DTNA: variants seen among roughly 807,000 people sequenced by gnomAD.
DTNA encodes dystrophin-related protein 3.
A neutral mutation model predicts 100.7 loss-of-function variants in DTNA; 43 were observed. The observed-to-expected ratio is 0.43, with a 90% confidence interval of 0.33 to 0.55. The LOEUF (loss-of-function observed/expected upper bound fraction) is 0.55, where lower values mean the gene tolerates loss of function less well. DTNA is among the 20% of genes least tolerant of loss of function. DTNA has a pLI of 0.04. For missense variants in DTNA, 798 were observed against 953.9 expected, an observed-to-expected ratio of 0.84 and a Z score of 2.15; for synonymous variants, 349 against 347.9, an observed-to-expected ratio of 1.00 and a Z score of -0.04.
At chr18:34,597,843 T>C (rs1034586146) in intron 1 of DTNA, among the ~76,000 whole-genome samples, 7 of 143,480 alleles carry the variant, frequency 4.9e-5, no homozygotes, top group African/African-American at 1.8e-4. Flanking sequence ...AGGGTTGACC[T>C]CATAAGTCAC....
intron 1 of DTNA, among the ~76,000 whole-genome samples, chr18:34,625,828 T>G (rs986335693): frequency 6.6e-6 from 1 of 152,046 alleles, no homozygotes; most frequent in Non-Finnish European, 1.5e-5. Context: ...AGGTAAGACT[T>G]GAAATGATGA....
chr18:34,868,153 GCAA>G, intron 17 of DTNA: 1 of 249,294 alleles, frequency 4.0e-6, no homozygotes, highest in Non-Finnish European at 5.5e-6. Context: ...TGGCAATGAA[GCAA>G]AAAAAAAAAA....
At chr18:34,701,997 T>C (rs117971436) in intron 1 of DTNA, among the ~76,000 whole-genome samples, 2,485 of 152,274 alleles carry the variant, frequency 0.016, 30 homozygotes, top group Non-Finnish European at 0.023. Context: ...ACTATTATCA[T>C]TGAAATTCTT....
chr18:34,645,348 G>A (rs965633774), intron 1 of DTNA, among the ~76,000 whole-genome samples: 19 of 152,180 alleles, frequency 1.2e-4, no homozygotes, highest in African/African-American at 4.6e-4. Context: ...TAAGATTTTT[G>A]TATGGGTTTT....
chr18:34,629,571 C>A (rs551684327), intron 1 of DTNA, among the ~76,000 whole-genome samples: 1 of 152,134 alleles, frequency 6.6e-6, no homozygotes, highest in East Asian at 1.9e-4. Context: ...ATCAGAAAAA[C>A]CAGTGAATTC....
intron 1 of DTNA, among the ~76,000 whole-genome samples, chr18:34,536,064 G>T (rs1194015174): frequency 6.6e-6 from 1 of 151,870 alleles, no homozygotes; most frequent in East Asian, 1.9e-4. Flanking sequence ...ATAAAATAAG[G>T]TGTAAAATAC....
intron 13 of DTNA, among the ~76,000 whole-genome samples, 176 bp from the exon 14 acceptor site, chr18:34,848,120 A>C (rs376690684): frequency 1.3e-5 from 2 of 152,324 alleles, no homozygotes; most frequent in Non-Finnish European, 1.5e-5. Context: ...CTTCCCGACT[A>C]TATATTAGAT....
intron 1 of DTNA, among the ~76,000 whole-genome samples, chr18:34,683,250 T>A (rs1490598182): frequency 2.0e-5 from 3 of 152,160 alleles, no homozygotes; most frequent in Admixed American, 6.6e-5. Flanking sequence ...AAATACTGGT[T>A]GTATTGGAAA....
chr18:34,719,415 G>C (rs980361420), intron 1 of DTNA, among the ~76,000 whole-genome samples: 3 of 151,920 alleles, frequency 2.0e-5, no homozygotes, highest in African/African-American at 7.3e-5. Flanking sequence ...CTATGAGCAG[G>C]GTACTTTTAC....
chr18:34,664,084 T>C (rs1312079355), intron 1 of DTNA, among the ~76,000 whole-genome samples: 2 of 152,156 alleles, frequency 1.3e-5, no homozygotes, highest in African/African-American at 4.8e-5. Flanking sequence ...CAAAGAAAAC[T>C]GTCCATAATA....
At chr18:34,770,556 G>T (rs186774873) in intron 3 of DTNA, among the ~76,000 whole-genome samples, 123 of 152,142 alleles carry the variant, frequency 8.1e-4, no homozygotes, top group Non-Finnish European at 1.5e-3. Flanking sequence ...ATTTTCTTCT[G>T]TTCAATTCCT....
chr18:34,558,850 A>G (rs1598576851), intron 1 of DTNA, among the ~76,000 whole-genome samples: 1 of 152,196 alleles, frequency 6.6e-6, no homozygotes, highest in Non-Finnish European at 1.5e-5. Context: ...ATGTGGCTGG[A>G]GCTTAGGGAA....
intron 1 of DTNA, among the ~76,000 whole-genome samples, chr18:34,539,639 T>A (rs923254561): frequency 2.0e-5 from 3 of 151,996 alleles, no homozygotes; most frequent in Non-Finnish European, 4.4e-5. Context: ...TATTGTTTTC[T>A]GCATTGATCT....
At chr18:34,681,193 A>G (rs531703186) in intron 1 of DTNA, among the ~76,000 whole-genome samples, 1 of 152,208 alleles carries the variant, frequency 6.6e-6, no homozygotes, top group Admixed American at 6.6e-5. Context: ...TTTTATCTTG[A>G]TTGAATCGTA....
chr18:34,808,919 C>T (rs2095426144), intron 5 of DTNA, among the ~76,000 whole-genome samples: 1 of 152,098 alleles, frequency 6.6e-6, no homozygotes, highest in African/African-American at 2.4e-5. Context: ...AATCGCATTC[C>T]CCACTTTGAG....
chr18:34,886,069 C>A (rs2096918847), intron 22 of DTNA, among the ~76,000 whole-genome samples: 1 of 152,166 alleles, frequency 6.6e-6, no homozygotes, highest in African/African-American at 2.4e-5. Context: ...TCATGGAATC[C>A]CATAAGTCTG....
chr18:34,562,860 T>C (rs977593216), intron 1 of DTNA, among the ~76,000 whole-genome samples: 1 of 152,200 alleles, frequency 6.6e-6, no homozygotes, highest in African/African-American at 2.4e-5. Flanking sequence ...GCACAGATAA[T>C]TCTATGCTAT....
intron 1 of DTNA, among the ~76,000 whole-genome samples, chr18:34,600,746 A>T (rs1227285695): frequency 1.3e-5 from 2 of 152,216 alleles, no homozygotes; most frequent in East Asian, 3.8e-4. Context: ...TAAAACTAAG[A>T]TGTAGACATA....
chr18:34,635,455 G>A (rs1375333648), intron 1 of DTNA, among the ~76,000 whole-genome samples: 4 of 152,150 alleles, frequency 2.6e-5, no homozygotes, highest in Non-Finnish European at 4.4e-5. Flanking sequence ...CATAACAGCT[G>A]TACTAGCTTA....
Sources: allele counts gnomAD v4.1 joint callset (sites outside exome capture counted in the v4.1 genomes callset), GRCh38; gene constraint gnomAD v4.1.1; transcripts MANE v1.5; gene names NCBI Gene and HGNC (gene_info 2026-07-23, HGNC 2026-07-21).